SLC9A5: variants seen among roughly 807,000 people sequenced by gnomAD.
SLC9A5 encodes solute carrier family 9 member A5.
Under a neutral mutation model 91.7 loss-of-function variants are expected in SLC9A5, and 52 were observed. That is an observed-to-expected ratio of 0.57 (90% CI 0.45 to 0.71). SLC9A5 has a LOEUF of 0.71. Among genes scored for constraint, SLC9A5 ranks in the 30% least tolerant of loss-of-function variants. SLC9A5 has a pLI of 0.00. For missense variants in SLC9A5, 871 were observed against 1,158.9 expected (o/e 0.75, Z 3.61); for synonymous variants, 419 against 474.5 (o/e 0.88, Z 1.52).
rs1016358027 is a variant in SLC9A5, at chr16:67,259,384, A to T, written c.1627-189A>T. 2.2e-4 allele frequency among the ~76,000 whole-genome samples: 33 copies of T among 151,600 alleles called. 1 individual carries two copies. Among genetic ancestry groups the T allele is most frequent in the African/African-American group, 7.3e-4 (30 of 41,290 alleles). ...CTCAAAAAAAAAAAAAAAAAAAAAA[A>T]ATAGAAAGCAGGCATACAAGTACCT... On this transcript the variant is annotated intron_variant, in intron 10 of 15. Transcript: ENST00000299798.
At chr16:67,265,189 C>T (rs576293023) in intron 14 of SLC9A5, 83 bp downstream of exon 14, 34 of 1,333,674 alleles carry the variant, frequency 2.5e-5, no homozygotes, top group African/African-American at 5.8e-5. Context: ...CTGGAGGACC[C>T]GCTGTAGGGT....
chr16:67,259,162 G>A (rs532152248), intron 10 of SLC9A5, among the ~76,000 whole-genome samples: 4 of 152,012 alleles, frequency 2.6e-5, no homozygotes, highest in Admixed American at 6.5e-5. Flanking sequence ...GGGAGGCTGC[G>A]GCAGGAGAAT....
rs948535291 is a variant in SLC9A5 at position 67,257,770 on chromosome 16, C to T, written c.1496+169C>T. 2.0e-5 allele frequency among the ~76,000 whole-genome samples: 3 copies of T among 152,234 alleles called. No individual in the cohort carries two copies. The highest frequency in any genetic ancestry group is 7.2e-5 in the African/African-American group (3 of 41,468). On this transcript the variant is annotated intron_variant, in intron 9 of 15. Coordinates refer to ENST00000299798, the MANE Select transcript of SLC9A5 (RefSeq NM_004594.3). This position sits in a 1 kb window ranked among gnomAD's most constrained non-coding sequence, Gnocchi z 5.1. ...GTGCTCTCAGGTTAAGACAAGGCTC[C>T]CCAGTGTGGCCTGCTTGGCCCTGCA... is the stretch of plus-strand genomic sequence containing the variant.
In SLC9A5 at chr16:67,258,224, C is replaced by A; in HGVS notation, c.1497-94C>A. ...TGAGGCCCATATCTAAAAAGCCAGGCCAGTGCTGACGGTGTCCTTGCCCCG... is the reference window on the plus strand; with the variant it reads ...TGAGGCCCATATCTAAAAAGCCAGGACAGTGCTGACGGTGTCCTTGCCCCG... On this transcript the variant is annotated intron_variant, in intron 9 of 15. Coordinates refer to ENST00000299798, the MANE Select transcript of SLC9A5 (RefSeq NM_004594.3). The surrounding 1 kb of genome is among the most constrained non-coding windows in gnomAD (Gnocchi z 4.5). The A allele has an allele frequency of 7.5e-7, 1 of 1,336,996 alleles. No individual in the cohort carries two copies. The highest frequency in any genetic ancestry group is 1.1e-6 in the Non-Finnish European group (1 of 949,924). The allele number at this position is 1,336,996 out of a possible 1,614,324, so 82.8% of individuals were successfully genotyped here. A position where few individuals can be genotyped will look rare whatever the true frequency, so the allele number is the denominator to read the frequency against.
Position 67,257,475 on chromosome 16 carries a change from C to A in SLC9A5, c.1425+41C>A. 2 of 1,613,188 alleles carry A rather than the reference C, an allele frequency of 1.2e-6. No individual in the cohort carries two copies. Among genetic ancestry groups the A allele is most frequent in the Non-Finnish European group, 1.7e-6 (2 of 1,179,106 alleles). ...CCAGCCCTCGCCTGTCCCTCTCGAC[C>A]TTCTCCTATTTTGGGCAGAGTCCTG... On this transcript the variant is annotated intron_variant, in intron 8 of 15. Coordinates refer to ENST00000299798, the MANE Select transcript of SLC9A5 (RefSeq NM_004594.3). This position sits in a 1 kb window ranked among gnomAD's most constrained non-coding sequence, Gnocchi z 5.1.
rs146952670 is a variant in SLC9A5, at chr16:67,250,115, C to G, written c.187+914C>G. On this transcript the variant is annotated intron_variant, in intron 1 of 15. Coordinates refer to ENST00000299798, the MANE Select transcript of SLC9A5 (RefSeq NM_004594.3). ...CTGTACTCCAGTCTCACCAATACAG[C>G]CTTCATGGAGGAATCACCCAGAGCC... Among the ~76,000 whole-genome samples, 965 of 152,290 alleles carry G rather than the reference C, an allele frequency of 6.3e-3. 11 individuals are homozygous for G. The highest frequency in any genetic ancestry group is 0.022 in the African/African-American group (909 of 41,564).
chr16:67,255,123 T>A lies in SLC9A5; in HGVS notation c.593T>A (p.Val198Asp). The change falls in exon 3 of 16, where the codon GTC (valine) becomes GAC (aspartate). Residue 198 changes from valine to aspartate, a missense_variant. By Grantham distance (152) the Val-to-Asp change is radical (BLOSUM62 -3). Around this residue, in one of 3 missense-constraint regions of SLC9A5, gnomAD observed 454 missense variants for 718.3 expected, o/e 0.63. Coordinates refer to ENST00000299798, the MANE Select transcript of SLC9A5 (RefSeq NM_004594.3). This position sits in a 1 kb window ranked among gnomAD's most constrained non-coding sequence, Gnocchi z 4.9. ...AVLAVFEEVH[V>D]NETLFIIVFG... ...CTAGCTGTCTTTGAGGAGGTGCACG[T>A]CAATGAGACTCTCTTTATCATCGTC... The A allele has an allele frequency of 6.2e-7, 1 of 1,614,092 alleles. No individual in the cohort carries two copies. The highest frequency in any genetic ancestry group is 8.5e-7 in the Non-Finnish European group (1 of 1,179,980).
At position 67,258,774 on chromosome 16, in the gene SLC9A5, G is replaced by T. The variant is rs955829738; in HGVS notation, c.1626+327G>T. On this transcript the variant is annotated intron_variant, in intron 10 of 15. Coordinates refer to ENST00000299798, the MANE Select transcript of SLC9A5 (RefSeq NM_004594.3). The surrounding 1 kb of genome is among the most constrained non-coding windows in gnomAD (Gnocchi z 4.5). ...AAAGCAGGCATAAGAGGCTGGGCAC[G>T]GTGGCTCACGCCTGTAATCCCAGCA... Among the ~76,000 whole-genome samples, 1 of 152,190 alleles carries T rather than the reference G, an allele frequency of 6.6e-6. No homozygotes were observed. The highest frequency in any genetic ancestry group is 2.4e-5 in the African/African-American group (1 of 41,436).
intron 15 of SLC9A5, among the ~76,000 whole-genome samples, chr16:67,268,353 A>T (rs2142389249): frequency 7.6e-6 from 1 of 132,350 alleles, no homozygotes; most frequent in African/African-American, 2.9e-5. Context: ...TTGAGTTAGG[A>T]TCTCTCTTTG....
In SLC9A5 at chr16:67,252,044, T is replaced by C. The variant is rs1419745264; in HGVS notation, c.188-498T>C. 6.6e-6 allele frequency among the ~76,000 whole-genome samples: 1 copy of C among 152,170 alleles called. No individual in the cohort carries two copies. The highest frequency in any genetic ancestry group is 1.9e-4 in the East Asian group (1 of 5,192). ...AAAGCAGTAAAGGCCTAGGTTACCA[T>C]AGTGTGACAGGAGCACTAAGAAACA... On this transcript the variant is annotated intron_variant, in intron 1 of 15. Coordinates refer to ENST00000299798, the MANE Select transcript of SLC9A5 (RefSeq NM_004594.3). This position sits in a 1 kb window ranked among gnomAD's most constrained non-coding sequence, Gnocchi z 4.0.
intron 1 of SLC9A5, among the ~76,000 whole-genome samples, chr16:67,250,826 C>A (rs957192419): frequency 6.6e-6 from 1 of 152,140 alleles, no homozygotes; most frequent in African/African-American, 2.4e-5. Flanking sequence ...ATTTAGAGGT[C>A]TCCTTCCCCA....
At chr16:67,266,007 A>G (rs1461728135) in intron 14 of SLC9A5, 81 bp from the exon 15 acceptor site, 5 of 1,563,500 alleles carry the variant, frequency 3.2e-6, no homozygotes, top group Non-Finnish European at 3.4e-6. Flanking sequence ...CTAGGGAGAC[A>G]GGGAGCTGGC....
chr16:67,268,235 T>G (rs2035782427), intron 15 of SLC9A5, among the ~76,000 whole-genome samples: 1 of 151,302 alleles, frequency 6.6e-6, no homozygotes, highest in Non-Finnish European at 1.5e-5. Flanking sequence ...CAGGCTAGTC[T>G]TAAAGTCCTG....
intron 15 of SLC9A5, among the ~76,000 whole-genome samples, chr16:67,268,297 G>A (rs951113822): frequency 2.7e-5 from 4 of 149,292 alleles, no homozygotes; most frequent in Admixed American, 6.7e-5. Flanking sequence ...GATGAAAGGC[G>A]TGAACTACCA....
intron 1 of SLC9A5, among the ~76,000 whole-genome samples, chr16:67,250,797 T>C (rs2035085108): frequency 6.6e-6 from 1 of 152,168 alleles, no homozygotes; most frequent in Non-Finnish European, 1.5e-5. Flanking sequence ...TGTCTTGGCA[T>C]AGGGTCTCAC....
rs2035922700 is a variant in SLC9A5, at chr16:67,271,451, G to A, written c.*241G>A. The A allele has an allele frequency of 1.8e-6, 1 of 563,706 alleles. No individual in the cohort carries two copies. Among genetic ancestry groups the A allele is most frequent in the Non-Finnish European group, 3.2e-6 (1 of 314,204 alleles). 34.9% of individuals were successfully genotyped at this position (563,706 alleles called of 1,614,324 possible). A position where few individuals can be genotyped will look rare whatever the true frequency, so the allele number is the denominator to read the frequency against. On this transcript the variant is annotated 3_prime_UTR_variant, in exon 16 of 16. Transcript: ENST00000299798. ...TCATTAAGGCCTCTACTCTGGCTCAGGACCCAGTCCAGGCCTTCTACGGGC... is the reference window on the plus strand; with the variant it reads ...TCATTAAGGCCTCTACTCTGGCTCAAGACCCAGTCCAGGCCTTCTACGGGC...
At chr16:67,268,669 T>C (rs1258486377) in intron 15 of SLC9A5, among the ~76,000 whole-genome samples, 2 of 34,372 alleles carry the variant, frequency 5.8e-5, no homozygotes, top group Non-Finnish European at 1.0e-4. Flanking sequence ...TATATATATA[T>C]ATATATATAT....
chr16:67,261,426 C>T (rs568567999), intron 12 of SLC9A5: 54 of 152,306 alleles, frequency 3.5e-4, no homozygotes, highest in African/African-American at 1.1e-3. Flanking sequence ...ACTGAAAAAT[C>T]AGTGCATGAT....
In SLC9A5 at chr16:67,258,553, A is replaced by G. The variant is rs2035403880; in HGVS notation, c.1626+106A>G. The G allele has an allele frequency of 6.7e-6, 9 of 1,349,276 alleles. No individual in the cohort carries two copies. The highest frequency in any genetic ancestry group is 2.5e-4 in the Middle Eastern group (1 of 4,032). 83.6% of individuals were successfully genotyped at this position (1,349,276 alleles called of 1,614,324 possible). ...GCTGGCCCTGAGCAGGGAGTTGGGA[A>G]TTCCTAGCTGGCTCCATGGTCTGGT... On this transcript the variant is annotated intron_variant, in intron 10 of 15. Transcript: ENST00000299798. The surrounding 1 kb of genome is among the most constrained non-coding windows in gnomAD (Gnocchi z 4.5).
Sources: allele counts gnomAD v4.1 joint callset (sites outside exome capture counted in the v4.1 genomes callset), GRCh38; gene constraint gnomAD v4.1.1; regional missense constraint gnomAD v4.1.1; non-coding constraint Gnocchi (gnomAD v3.1); transcripts MANE v1.5; gene names NCBI Gene and HGNC (gene_info 2026-07-23, HGNC 2026-07-21).